CLU: variants seen among roughly 807,000 people sequenced by gnomAD.
CLU encodes clusterin, also known as aging-associated protein 4.
Under a neutral mutation model 46.4 loss-of-function variants are expected in CLU, and 25 were observed. The ratio of observed to expected loss-of-function variants is 0.54; its 90% CI spans 0.39 to 0.75. The LOEUF (loss-of-function observed/expected upper bound fraction) is 0.75. CLU is among the 30% of genes least tolerant of loss of function. The probability of loss-of-function intolerance (pLI) is 0.00; values close to 1 mark genes in which losing one functional copy is unlikely to be tolerated. For synonymous variants in CLU, 235 were observed against 235.1 expected, an observed-to-expected ratio of 1.00 and a Z score of 0.00; for missense variants, 504 against 592.1, an observed-to-expected ratio of 0.85 and a Z score of 1.54.
chr8:27,603,002 T>C (rs1585252519), intron 6 of CLU, among the ~76,000 whole-genome samples: 1 of 151,642 alleles, frequency 6.6e-6, no homozygotes, highest in Admixed American at 6.6e-5. Flanking sequence ...GAGGCGGAGG[T>C]CGCAGTGAGC....
rs1800686583 is a variant in CLU at position 27,599,869 on chromosome 8, G to T, written c.1075C>A (p.Leu359Met). 6.2e-7 allele frequency: 1 copy of T among 1,614,060 alleles called. No homozygotes were observed. The highest frequency in any genetic ancestry group is 1.1e-5 in the South Asian group (1 of 91,082). ...TTAAACTGCTCGTTCAGCTGCTCCA[G>T]CAAGGAGGAGGTGTTGAGCATCTTC... ...QWKMLNTSSLLEQLNEQFNWV... is the reference protein window; with the variant it reads ...QWKMLNTSSLMEQLNEQFNWV... The change falls in exon 7 of 9, where the codon CTG (leucine) becomes ATG (methionine). Residue 359 changes from leucine to methionine, a missense_variant. Coordinates refer to ENST00000316403, the MANE Select transcript of CLU (RefSeq NM_001831.4). The surrounding 1 kb of genome is among the most constrained non-coding windows in gnomAD (Gnocchi z 4.0).
intron 3 of CLU, 52 bp downstream of exon 3, chr8:27,608,886 T>G (rs1438059648): frequency 6.2e-7 from 1 of 1,606,980 alleles, no homozygotes; most frequent in African/African-American, 1.3e-5. Flanking sequence ...ACCCCCTCCC[T>G]CCCCTCCAGT....
chr8:27,605,088 T>G lies in CLU; in HGVS notation c.665A>C (p.Lys222Thr), dbSNP rs1244604053. The change falls in exon 5 of 9, where the codon AAG becomes ACG. Residue 222 changes from lysine (K) to threonine (T), a missense_variant. By Grantham distance (78) the Lys-to-Thr change is moderately conservative (BLOSUM62 -1). Around this residue, in one of 3 missense-constraint regions of CLU, gnomAD observed 428 missense variants for 484.0 expected, o/e 0.88. Coordinates refer to ENST00000316403, the MANE Select transcript of CLU (RefSeq NM_001831.4). ...CATCAAGCTGCGGACGATGCGGGAC[T>G]TGGGAAAGAAGAAGTGAGGCCTCCG... is the stretch of plus-strand genomic sequence containing the variant. ...PHRRPHFFFP[K>T]SRIVRSLMPF... 1.2e-6 allele frequency: 2 copies of G among 1,613,948 alleles called. No homozygotes were observed. The highest frequency in any genetic ancestry group is 1.7e-6 in the Non-Finnish European group (2 of 1,179,994).
At chr8:27,600,151 G>A (rs1800694679) in intron 6 of CLU, 142 bp from the exon 7 acceptor site, 2 of 696,052 alleles carry the variant, frequency 2.9e-6, no homozygotes, top group Admixed American at 4.1e-5. Context: ...AACTGGAATT[G>A]TCCACGACAA....
chr8:27,604,967 G>A lies in CLU; in HGVS notation c.786C>T (p.Phe262=), dbSNP rs1381419118. The change falls in exon 5 of 9, where the codon TTC becomes TTT. Residue 262 remains phenylalanine (F), a synonymous_variant. Coordinates refer to ENST00000316403, the MANE Select transcript of CLU (RefSeq NM_001831.4). The stretch of plus-strand genomic sequence containing the variant: ...GCGGGTGCTGGAAGGCCGGGCTATG[G>A]AAGTGGATGTCCATGGCCTGCTGAG... ...HEAQQAMDIH[F]HSPAFQHPPT... 6.2e-7 allele frequency: 1 copy of A among 1,614,156 alleles called. No homozygotes were observed. The highest frequency in any genetic ancestry group is 8.5e-7 in the Non-Finnish European group (1 of 1,180,034).
rs1383427072 is a variant in CLU, at chr8:27,604,285, ACT to A, written c.934+4_934+5del. The A allele has an allele frequency of 6.2e-7, 1 of 1,612,382 alleles. No individual in the cohort carries two copies. On this transcript the variant is annotated splice_donor_5th_base_variant and intron_variant, in intron 6 of 8. Transcript: ENST00000316403. Reference sequence around the variant, plus strand: ...GGGACGGCTTGTGGTCTGGACCCCGACTCACCCACAGACAAGATCTCCCGGCA... The same window carrying A: ...GGGACGGCTTGTGGTCTGGACCCCGACACCCACAGACAAGATCTCCCGGCA...
intron 6 of CLU, among the ~76,000 whole-genome samples, chr8:27,603,640 C>A (rs1282553362): frequency 6.6e-6 from 1 of 152,164 alleles, no homozygotes; most frequent in Non-Finnish European, 1.5e-5. Context: ...ACCAACCAAC[C>A]GACCAAAGGG....
chr8:27,605,313 C>T lies in CLU; in HGVS notation c.440G>A (p.Ser147Asn). Residue 147 changes from serine to asparagine, a missense_variant, in exon 5 of 9, where the codon AGC becomes AAC. This residue lies in a region of CLU where 428 missense variants were observed against 484.0 expected (regional missense o/e 0.88). Transcript: ENST00000316403. ...GRQLEEFLNQ[S>N]SPFYFWMNGD... is the part of the protein sequence containing the mutation. ...ATTCATCCAGAAGTAGAAGGGCGAG[C>T]TCTGGTTCAGGAACTCCTCAAGCTG... 2 of 1,614,204 alleles carry T rather than the reference C, an allele frequency of 1.2e-6. No individual in the cohort carries two copies. Among genetic ancestry groups the T allele is most frequent in the Non-Finnish European group, 1.7e-6 (2 of 1,180,032 alleles).
intron 3 of CLU, among the ~76,000 whole-genome samples, chr8:27,607,855 C>T (rs1364181232): frequency 6.6e-6 from 1 of 152,162 alleles, no homozygotes; most frequent in African/African-American, 2.4e-5. Flanking sequence ...TCCCACTGAG[C>T]CAAGACACAA....
At chr8:27,612,890 C>G (rs1204853496) in intron 1 of CLU, among the ~76,000 whole-genome samples, 1 of 148,384 alleles carries the variant, frequency 6.7e-6, no homozygotes, top group Non-Finnish European at 1.5e-5. Context: ...GCTCCTTCTA[C>G]CAGAAAAGGC....
intron 1 of CLU, among the ~76,000 whole-genome samples, chr8:27,613,402 AAG>A (rs34121332): frequency 0.29 from 41,560 of 145,728 alleles, 5,957 homozygotes; most frequent in Middle Eastern, 0.32. Flanking sequence ...AAAAAAAAAA[AAG>A]AGAGAAAAGA....
chr8:27,606,375 G>A lies in CLU; in HGVS notation c.396C>T (p.Gly132=). The A allele has an allele frequency of 1.2e-6, 2 of 1,614,152 alleles. No individual in the cohort carries two copies. The highest frequency in any genetic ancestry group is 1.7e-6 in the Non-Finnish European group (2 of 1,180,044). Reference sequence around the variant, plus strand: ...TCACCTGGCGGCCAACCAGGCCTGAGCCACTTCTGCAGACGCGTGCGTAGA... The same window carrying A: ...TCACCTGGCGGCCAACCAGGCCTGAACCACTTCTGCAGACGCGTGCGTAGA... ...MKFYARVCRS[G]SGLVGRQLEE... is the part of the protein sequence containing the mutation. Residue 132 remains glycine (G), a synonymous_variant, in exon 4 of 9, where the codon GGC becomes GGT. Coordinates refer to ENST00000316403, the MANE Select transcript of CLU (RefSeq NM_001831.4).
chr8:27,601,614 A>C (rs1249083689), intron 6 of CLU, among the ~76,000 whole-genome samples: 1 of 152,192 alleles, frequency 6.6e-6, no homozygotes, highest in African/African-American at 2.4e-5. Context: ...GTATTTCAAA[A>C]ATATCCAGAG....
rs769073377 is a variant in CLU at position 27,609,031 on chromosome 8, G to A, written c.153C>T (p.Asn51=). 1.9e-5 allele frequency: 30 copies of A among 1,613,884 alleles called. 1 individual carries two copies. Among genetic ancestry groups the A allele is most frequent in the East Asian group, 4.5e-5 (2 of 44,898 alleles). Residue 51 remains asparagine, a synonymous_variant, in exon 3 of 9, where the codon AAC becomes AAT. Coordinates refer to ENST00000316403, the MANE Select transcript of CLU (RefSeq NM_001831.4). Reference sequence around the variant, plus strand: ...TGAGAGTCTTTATCTGTTTCACCCCGTTGACAGCATTTTGAATTTCCTTAT... The same window carrying A: ...TGAGAGTCTTTATCTGTTTCACCCCATTGACAGCATTTTGAATTTCCTTAT... ...YVNKEIQNAV[N]GVKQIKTLIE...
intron 5 of CLU, 114 bp from the exon 6 acceptor site, chr8:27,604,509 G>A (rs1320141591): frequency 6.6e-6 from 6 of 912,232 alleles, no homozygotes; most frequent in Non-Finnish European, 1.0e-5. Flanking sequence ...GTCTCACTCT[G>A]TTGCCCAGGC....
Position 27,605,197 on chromosome 8 carries a change from T to C in CLU, c.556A>G (p.Ile186Val), listed in dbSNP as rs140539339. Residue 186 changes from isoleucine (I) to valine (V), a missense_variant, in exon 5 of 9, where the codon ATC (isoleucine) becomes GTC (valine). Physicochemically the swap from Ile to Val is conservative, Grantham distance 29 (BLOSUM62 3). Transcript: ENST00000316403. ...MQDHFSRASS[I>V]IDELFQDRFF... ...CTGTCCTGGAAGAGCTCGTCTATGA[T>C]GCTGGACGCGCGGCTGAAGTGGTCC... is the stretch of plus-strand genomic sequence containing the variant. 6.2e-7 allele frequency: 1 copy of C among 1,614,190 alleles called. No individual in the cohort carries two copies. Among genetic ancestry groups the C allele is most frequent in the Non-Finnish European group, 8.5e-7 (1 of 1,180,030 alleles).
intron 3 of CLU, 51 bp from the exon 4 acceptor site, chr8:27,606,575 G>A: frequency 6.2e-7 from 1 of 1,607,078 alleles, no homozygotes; most frequent in South Asian, 1.1e-5. Flanking sequence ...ACAGGCTCAT[G>A]CACTCAAAGA....
At chr8:27,604,793 T>C (rs1178119619) in intron 5 of CLU, 131 bp downstream of exon 5, 6 of 1,155,254 alleles carry the variant, frequency 5.2e-6, no homozygotes, top group Non-Finnish European at 6.3e-6. Flanking sequence ...TTTTTTCCTC[T>C]TTAAATAAGG....
At chr8:27,608,868 G>C in intron 3 of CLU, 70 bp downstream of exon 3, 1 of 1,563,880 alleles carries the variant, frequency 6.4e-7, no homozygotes, top group Admixed American at 1.7e-5. Flanking sequence ...GCAGGGCACC[G>C]CGCAGTGACC....
Sources: allele counts gnomAD v4.1 joint callset (sites outside exome capture counted in the v4.1 genomes callset), GRCh38; gene constraint gnomAD v4.1.1; regional missense constraint gnomAD v4.1.1; non-coding constraint Gnocchi (gnomAD v3.1); transcripts MANE v1.5; gene names NCBI Gene and HGNC (gene_info 2026-07-23, HGNC 2026-07-21).